The following EEFSEC variants were observed in gnomAD, a reference collection of about 807,000 sequenced individuals.
EEFSEC encodes selenocysteine-specific elongation factor.
Under a neutral mutation model 42.1 loss-of-function variants are expected in EEFSEC, and 43 were observed. That is an observed-to-expected ratio of 1.02 (90% CI 0.80 to 1.32). EEFSEC has a LOEUF of 1.32. EEFSEC is among the 40% of genes most tolerant of loss of function. The probability of loss-of-function intolerance (pLI) is 0.00; values close to 1 mark genes in which losing one functional copy is unlikely to be tolerated. For missense variants in EEFSEC, 745 were observed against 803.6 expected (o/e 0.93, Z 0.88); for synonymous variants, 354 against 339.1 (o/e 1.04, Z -0.48).
At chr3:128,294,253 C>T (rs1043492808) in intron 4 of EEFSEC, among the ~76,000 whole-genome samples, 4 of 152,150 alleles carry the variant, frequency 2.6e-5, no homozygotes, top group African/African-American at 9.7e-5. Flanking sequence ...GGGTGGAGGA[C>T]TATCTGTCCT....
In EEFSEC at chr3:128,270,336, A is replaced by T. The variant is rs2999063; in HGVS notation, c.786+5555A>T. Among the ~76,000 whole-genome samples, 48 of 152,322 alleles carry T rather than the reference A, an allele frequency of 3.2e-4. No homozygotes were observed. In the East Asian group the frequency reaches 7.5e-3, roughly 24 times the overall value. ...CTAAGTGAGTTATTGAAATGCAAAT[A>T]TGCTTTGCGGACCCCACTATGTGGA... On this transcript the variant is annotated intron_variant, in intron 4 of 6. Transcript: ENST00000254730.
At chr3:128,332,999 C>T (rs962568724) in intron 4 of EEFSEC, among the ~76,000 whole-genome samples, 4 of 152,202 alleles carry the variant, frequency 2.6e-5, no homozygotes, top group Non-Finnish European at 5.9e-5. Context: ...CCAGCCTGAA[C>T]CTCTTTGAAT....
At chr3:128,325,244 A>T (rs1330264000) in intron 4 of EEFSEC, among the ~76,000 whole-genome samples, 2 of 152,182 alleles carry the variant, frequency 1.3e-5, no homozygotes, top group African/African-American at 4.8e-5. Flanking sequence ...CTTGCTGAGG[A>T]CATCCAAGTT....
chr3:128,314,472 T>A (rs891619044), intron 4 of EEFSEC, among the ~76,000 whole-genome samples: 3 of 152,120 alleles, frequency 2.0e-5, no homozygotes, highest in African/African-American at 4.8e-5. Context: ...GCCTCCTGAT[T>A]AGTTGGGATT....
intron 5 of EEFSEC, among the ~76,000 whole-genome samples, chr3:128,351,766 G>A (rs1322210270): frequency 6.6e-6 from 1 of 152,228 alleles, no homozygotes; most frequent in East Asian, 1.9e-4. Flanking sequence ...GCAAGCGCCT[G>A]GACTTCCATG....
chr3:128,415,267 G>A, the EEFSEC span, among the ~76,000 whole-genome samples: 1 of 152,186 alleles, frequency 6.6e-6, no homozygotes. Flanking sequence ...GCCCAGGGAG[G>A]GCTCTGCGGT....
chr3:128,303,240 T>C (rs755634040), intron 4 of EEFSEC, among the ~76,000 whole-genome samples: 2 of 152,222 alleles, frequency 1.3e-5, no homozygotes, highest in African/African-American at 2.4e-5. Context: ...GTTGGGATTA[T>C]AGGCATGACC....
chr3:128,313,915 C>T (rs2066916747), intron 4 of EEFSEC, among the ~76,000 whole-genome samples: 1 of 152,196 alleles, frequency 6.6e-6, no homozygotes, highest in Non-Finnish European at 1.5e-5. Flanking sequence ...ACTGCTGCTG[C>T]CATTCTGGTG....
At chr3:128,216,121 A>G (rs1305486195) in intron 1 of EEFSEC, among the ~76,000 whole-genome samples, 1 of 152,234 alleles carries the variant, frequency 6.6e-6, no homozygotes, top group African/African-American at 2.4e-5. Context: ...CACACAGCCC[A>G]GCAGATCCAC....
At chr3:128,254,928 T>C (rs978039233) in intron 2 of EEFSEC, among the ~76,000 whole-genome samples, 14 of 152,042 alleles carry the variant, frequency 9.2e-5, no homozygotes, top group African/African-American at 3.4e-4. Context: ...AAAATCAGGA[T>C]GGATTGGAGC....
intron 2 of EEFSEC, among the ~76,000 whole-genome samples, chr3:128,252,691 A>T (rs191097273): frequency 2.2e-4 from 34 of 152,352 alleles, no homozygotes; most frequent in African/African-American, 7.9e-4. Context: ...TATGGATTAT[A>T]AATTCATATA....
At chr3:128,220,083 G>A (rs1323077535) in intron 1 of EEFSEC, among the ~76,000 whole-genome samples, 1 of 152,170 alleles carries the variant, frequency 6.6e-6, no homozygotes, top group Non-Finnish European at 1.5e-5. Context: ...TACAAATCTA[G>A]TCCTAGTTAT....
chr3:128,398,603 G>C (rs1407733908), intron 6 of EEFSEC, among the ~76,000 whole-genome samples: 1 of 152,162 alleles, frequency 6.6e-6, no homozygotes, highest in Non-Finnish European at 1.5e-5. Flanking sequence ...GGAGCCCCGT[G>C]TCCGGGCCCT....
At chr3:128,425,713 C>A in the EEFSEC span, among the ~76,000 whole-genome samples, 1 of 152,228 alleles carries the variant, frequency 6.6e-6, no homozygotes, top group Non-Finnish European at 1.5e-5. Flanking sequence ...CCCTCCTGGG[C>A]CCTCCTGGGC....
intron 6 of EEFSEC, among the ~76,000 whole-genome samples, chr3:128,366,103 G>A (rs1176643020): frequency 6.6e-6 from 1 of 152,246 alleles, no homozygotes. Context: ...AGAAATATGG[G>A]TCATTTAGTA....
chr3:128,408,122 G>C lies in EEFSEC; in HGVS notation c.1654G>C (p.Ala552Pro). The C allele has an allele frequency of 6.2e-7, 1 of 1,610,222 alleles. No individual in the cohort carries two copies. Among genetic ancestry groups the C allele is most frequent in the Non-Finnish European group, 8.5e-7 (1 of 1,178,190 alleles). Residue 552 changes from alanine to proline, a missense_variant, in exon 7 of 7, where the codon GCC becomes CCC. By Grantham distance (27) the Ala-to-Pro change is conservative (BLOSUM62 -1). Coordinates refer to ENST00000254730, the MANE Select transcript of EEFSEC (RefSeq NM_021937.5). ...KILTPALKKR[A>P]RAGRGEATRQ... ...CCTGACACCCGCCCTCAAGAAGCGGGCCCGGGCTGGCCGTGGGGAGGCCAC... is the reference window on the plus strand; with the variant it reads ...CCTGACACCCGCCCTCAAGAAGCGGCCCCGGGCTGGCCGTGGGGAGGCCAC...
intron 4 of EEFSEC, among the ~76,000 whole-genome samples, chr3:128,302,599 A>C (rs2066781545): frequency 6.6e-6 from 1 of 152,030 alleles, no homozygotes; most frequent in Admixed American, 6.6e-5. Context: ...TCAGATAATC[A>C]TTGATTTTGT....
At chr3:128,273,564 G>A (rs2066436746) in intron 4 of EEFSEC, among the ~76,000 whole-genome samples, 1 of 152,210 alleles carries the variant, frequency 6.6e-6, no homozygotes. Flanking sequence ...GCAGCTAGAC[G>A]AACTGCTACC....
chr3:128,263,176 T>C (rs1231252729), intron 3 of EEFSEC, among the ~76,000 whole-genome samples: 1 of 152,204 alleles, frequency 6.6e-6, no homozygotes. Context: ...TACAGGATCA[T>C]TGACATTCAC....
Sources: allele counts gnomAD v4.1 joint callset (sites outside exome capture counted in the v4.1 genomes callset), GRCh38; gene constraint gnomAD v4.1.1; transcripts MANE v1.5; gene names NCBI Gene and HGNC (gene_info 2026-07-23, HGNC 2026-07-21).